CDKAL1: variants seen among roughly 807,000 people sequenced by gnomAD.
The protein encoded by CDKAL1 is CDKAL1 threonylcarbamoyladenosine tRNA methylthiotransferase.
CDKAL1 carries 32 observed loss-of-function variants against 68.2 expected under a neutral mutation model. The observed-to-expected ratio is 0.47, with a 90% CI of 0.35 to 0.63. The LOEUF is 0.63. Ranked by LOEUF, CDKAL1 falls within the 30% of genes least tolerant of loss-of-function variation. The pLI is 0.00. For synonymous variants in CDKAL1, 234 were observed against 244.3 expected (o/e 0.96, Z 0.39); for missense variants, 606 against 696.7 (o/e 0.87, Z 1.47).
chr6:20,585,978 C>T lies in CDKAL1; in HGVS notation c.286+37273C>T, dbSNP rs148278478. On this transcript the variant is annotated intron_variant, in intron 4 of 15. Transcript: ENST00000274695. ...AATCTCCCCCACAAATCTGTTGCTCCATGTTCTTCATATCTCAGTAAAAGG... is the reference window on the plus strand; with the variant it reads ...AATCTCCCCCACAAATCTGTTGCTCTATGTTCTTCATATCTCAGTAAAAGG... Among the ~76,000 whole-genome samples the T allele has an allele frequency of 2.0e-3, 309 of 152,272 alleles. 1 individual carries two copies. The highest frequency in any genetic ancestry group is 6.8e-3 in the African/African-American group (282 of 41,546).
intron 5 of CDKAL1, among the ~76,000 whole-genome samples, chr6:20,688,509 G>C (rs1331788721): frequency 6.6e-6 from 1 of 152,032 alleles, no homozygotes; most frequent in Admixed American, 6.5e-5. Context: ...CTCAGAGAGA[G>C]TCTTTGCTCA....
chr6:20,892,352 A>G (rs1429679839), intron 9 of CDKAL1, among the ~76,000 whole-genome samples: 2 of 152,252 alleles, frequency 1.3e-5, no homozygotes, highest in Non-Finnish European at 2.9e-5. Context: ...AAACTATTTA[A>G]AACTTGACAA....
chr6:21,092,559 A>G (rs935541255), intron 12 of CDKAL1, among the ~76,000 whole-genome samples: 3 of 152,156 alleles, frequency 2.0e-5, no homozygotes, highest in Admixed American at 6.5e-5. Flanking sequence ...AGGATGATCA[A>G]TCAGCTTTTT....
intron 12 of CDKAL1, among the ~76,000 whole-genome samples, chr6:21,072,891 A>T (rs187253466): frequency 1.2e-4 from 18 of 152,298 alleles, no homozygotes; most frequent in Non-Finnish European, 2.6e-4. Flanking sequence ...GGTATACATT[A>T]TATGGGTTTT....
chr6:20,782,583 C>T (rs1775478178), intron 8 of CDKAL1, among the ~76,000 whole-genome samples: 1 of 152,166 alleles, frequency 6.6e-6, no homozygotes, highest in Non-Finnish European at 1.5e-5. Context: ...CATTCCTTCT[C>T]TTTTTCTCAG....
chr6:21,126,948 C>T (rs1212863787), intron 13 of CDKAL1, among the ~76,000 whole-genome samples: 4 of 152,218 alleles, frequency 2.6e-5, no homozygotes, highest in African/African-American at 9.6e-5. Context: ...TATTTTCAGG[C>T]TTACCTCCTT....
At chr6:20,707,096 G>A (rs1004206045) in intron 5 of CDKAL1, among the ~76,000 whole-genome samples, 8 of 152,138 alleles carry the variant, frequency 5.3e-5, no homozygotes, top group Non-Finnish European at 1.0e-4. Context: ...TCTTAATTTT[G>A]AAAATTGGAT....
chr6:21,121,751 A>AT (rs1774726053), intron 13 of CDKAL1, among the ~76,000 whole-genome samples: 2 of 152,174 alleles, frequency 1.3e-5, no homozygotes, highest in South Asian at 4.1e-4. Context: ...GTAAGTAGGG[A>AT]TTTTGTCTAT....
At chr6:20,887,855 C>T (rs1374366919) in intron 9 of CDKAL1, among the ~76,000 whole-genome samples, 2 of 150,974 alleles carry the variant, frequency 1.3e-5, no homozygotes, top group African/African-American at 4.9e-5. Context: ...ATGATCATAG[C>T]TCACTGCAGC....
In CDKAL1 at chr6:20,992,208, A is replaced by ATATATATATATATATATATGTATG. The variant is rs200094831; in HGVS notation, c.910-8016_910-8015insATATATATATATATATGTATGTAT. The stretch of plus-strand genomic sequence containing the variant: ...ATAGTCAGCTTTTTTATATATATAT[A>ATATATATATATATATATATGTATG]TATGTATTTTGTATTATATGTATAT... On this transcript the variant is annotated intron_variant, in intron 10 of 15. Coordinates refer to ENST00000274695, the MANE Select transcript of CDKAL1 (RefSeq NM_017774.3). Among the ~76,000 whole-genome samples, 102 of 144,616 alleles carry ATATATATATATATATATATGTATG rather than the reference A, an allele frequency of 7.1e-4. 2 individuals are homozygous for ATATATATATATATATATATGTATG. The highest frequency in any genetic ancestry group is 5.3e-3 in the Admixed American group (79 of 14,876). The allele number at this position is 144,616 out of a possible 152,430, so 94.9% of individuals were successfully genotyped here.
chr6:20,914,985 C>G (rs1490069699), intron 9 of CDKAL1, among the ~76,000 whole-genome samples: 1 of 152,060 alleles, frequency 6.6e-6, no homozygotes, highest in African/African-American at 2.4e-5. Flanking sequence ...TTTACTCCCT[C>G]TTATAGAATT....
chr6:20,625,345 A>G (rs944400150), intron 4 of CDKAL1, among the ~76,000 whole-genome samples: 1 of 152,134 alleles, frequency 6.6e-6, no homozygotes, highest in Non-Finnish European at 1.5e-5. Context: ...GGTGACTTCA[A>G]ATAGTTTAGT....
chr6:20,717,995 TC>T (rs1414200309), intron 5 of CDKAL1, among the ~76,000 whole-genome samples: 1 of 152,208 alleles, frequency 6.6e-6, no homozygotes, highest in Non-Finnish European at 1.5e-5. Context: ...CAGTGAACTG[TC>T]CCAGGCTTGT....
chr6:20,740,348 G>C (rs1773394638), intron 6 of CDKAL1, among the ~76,000 whole-genome samples: 1 of 152,090 alleles, frequency 6.6e-6, no homozygotes, highest in Admixed American at 6.6e-5. Context: ...TGGGCAGTCA[G>C]CTCTGTGAAG....
chr6:21,029,951 T>C (rs569014387), intron 11 of CDKAL1, among the ~76,000 whole-genome samples: 1 of 152,284 alleles, frequency 6.6e-6, no homozygotes, highest in East Asian at 1.9e-4. Context: ...ATCTTGGATC[T>C]TTGACCCAGC....
At chr6:20,898,464 G>A (rs989542503) in intron 9 of CDKAL1, among the ~76,000 whole-genome samples, 4 of 149,854 alleles carry the variant, frequency 2.7e-5, no homozygotes, top group African/African-American at 7.4e-5. Context: ...CTGCCATTGC[G>A]ACAGTGGCCT....
chr6:20,738,302 A>G (rs1773287503), intron 5 of CDKAL1, among the ~76,000 whole-genome samples: 1 of 152,134 alleles, frequency 6.6e-6, no homozygotes, highest in Non-Finnish European at 1.5e-5. Flanking sequence ...AGTTTCTAGG[A>G]GAGGATATAA....
chr6:20,573,434 G>A (rs1764786289), intron 4 of CDKAL1, among the ~76,000 whole-genome samples: 1 of 152,102 alleles, frequency 6.6e-6, no homozygotes. Flanking sequence ...CAAAAAGATG[G>A]CAGATGGAAA....
chr6:21,077,051 A>C (rs1011121126), intron 12 of CDKAL1, among the ~76,000 whole-genome samples: 2 of 152,194 alleles, frequency 1.3e-5, no homozygotes, highest in Non-Finnish European at 2.9e-5. Flanking sequence ...TATTTAACAT[A>C]AACTTAATGA....
Sources: allele counts gnomAD v4.1 joint callset (sites outside exome capture counted in the v4.1 genomes callset), GRCh38; gene constraint gnomAD v4.1.1; transcripts MANE v1.5; gene names NCBI Gene and HGNC (gene_info 2026-07-23, HGNC 2026-07-21).